The following CNIH3 variants were observed in gnomAD, a reference collection of about 807,000 sequenced individuals.
CNIH3 encodes the protein protein cornichon homolog 3.
In CNIH3, 14 loss-of-function variants were observed where a neutral mutation model predicts 24.1. The ratio of observed to expected loss-of-function variants is 0.58; its 90% CI spans 0.38 to 0.91. CNIH3 has a LOEUF of 0.91. CNIH3 is among the 40% of genes least tolerant of loss of function. The pLI, the probability that CNIH3 is intolerant of heterozygous loss-of-function variation, is 0.00. For missense variants in CNIH3, 178 were observed against 196.8 expected, an observed-to-expected ratio of 0.90 and a Z score of 0.57; for synonymous variants, 68 against 73.8, an observed-to-expected ratio of 0.92 and a Z score of 0.40.
intron 1 of CNIH3, among the ~76,000 whole-genome samples, chr1:224,443,998 T>G (rs1675039520): frequency 6.6e-6 from 1 of 152,200 alleles, no homozygotes; most frequent in Non-Finnish European, 1.5e-5. Context: ...AGTTTTATTA[T>G]GCAGTATTTT....
At chr1:224,739,295 CTTTTTTTTTTTT>C (rs11342205) in intron 5 of CNIH3, 22 bp from the exon 6 acceptor site, 58 of 1,342,492 alleles carry the variant, frequency 4.3e-5, no homozygotes, top group South Asian at 6.7e-5. Flanking sequence ...ACCTTCCTCT[CTTTTTTTTTTTT>C]TTTTTTTTTT....
upstream of CNIH3, among the ~76,000 whole-genome samples, chr1:224,614,148 G>A (rs998572371): frequency 2.6e-5 from 4 of 152,080 alleles, no homozygotes; most frequent in African/African-American, 9.7e-5. Flanking sequence ...CCCAAGTACT[G>A]GGATTACAGG....
chr1:224,493,015 T>C (rs1294974875), intron 1 of CNIH3, among the ~76,000 whole-genome samples: 4 of 152,228 alleles, frequency 2.6e-5, no homozygotes, highest in African/African-American at 9.6e-5. Flanking sequence ...GGAATCCATT[T>C]ATAAGGATTG....
intron 1 of CNIH3, among the ~76,000 whole-genome samples, chr1:224,623,122 GC>G (rs941809445): frequency 2.6e-5 from 4 of 152,074 alleles, no homozygotes; most frequent in Non-Finnish European, 5.9e-5. Flanking sequence ...TGGTCCCTGA[GC>G]CCCCTGACCT....
chr1:224,727,801 G>A (rs1689113693), intron 3 of CNIH3, among the ~76,000 whole-genome samples: 1 of 152,124 alleles, frequency 6.6e-6, no homozygotes, highest in Non-Finnish European at 1.5e-5. Context: ...AATTGGAGGA[G>A]CCTCTTCTAC....
chr1:224,735,501 C>T lies in CNIH3; in HGVS notation c.455+795C>T, dbSNP rs528698344. The stretch of plus-strand genomic sequence containing the variant: ...GGCAGGGCCATGGTGATCTCCAAAC[C>T]TCCCGGTGATGTCTCCAAAAGGGCA... On this transcript the variant is annotated intron_variant, in intron 5 of 5. Transcript: ENST00000272133. Among the ~76,000 whole-genome samples the T allele has an allele frequency of 5.7e-4, 87 of 152,278 alleles. 1 individual carries two copies. Among genetic ancestry groups the T allele is most frequent in the Admixed American group, 5.6e-3 (86 of 15,284 alleles).
intron 1 of CNIH3, among the ~76,000 whole-genome samples, chr1:224,442,761 G>A (rs547635123): frequency 5.6e-4 from 85 of 152,302 alleles, no homozygotes; most frequent in African/African-American, 1.9e-3. Context: ...TAGCTGGTGC[G>A]TGGCTCCAGA....
intron 2 of CNIH3, among the ~76,000 whole-genome samples, chr1:224,683,789 A>G (rs1686514852): frequency 6.6e-6 from 1 of 152,198 alleles, no homozygotes; most frequent in South Asian, 2.1e-4. Flanking sequence ...AGAAGGAGCT[A>G]GTGCGTGTCT....
intron 1 of CNIH3, among the ~76,000 whole-genome samples, chr1:224,632,144 A>G (rs975556802): frequency 6.6e-6 from 1 of 152,178 alleles, no homozygotes; most frequent in African/African-American, 2.4e-5. Flanking sequence ...TGCGTTGTCC[A>G]TAAGTCTGAG....
At chr1:224,580,522 G>T (rs562875727) in intron 4 of CNIH3, among the ~76,000 whole-genome samples, 1 of 152,168 alleles carries the variant, frequency 6.6e-6, no homozygotes, top group African/African-American at 2.4e-5. Context: ...AAAGGAGGTC[G>T]CATTCTTCTG....
intron 1 of CNIH3, among the ~76,000 whole-genome samples, chr1:224,498,694 G>C (rs534778010): frequency 2.6e-5 from 4 of 152,270 alleles, no homozygotes; most frequent in Non-Finnish European, 5.9e-5. Context: ...GTGTGCCTGT[G>C]GGAAAGAATG....
At chr1:224,456,706 C>T (rs1357948239) in intron 1 of CNIH3, among the ~76,000 whole-genome samples, 2 of 152,208 alleles carry the variant, frequency 1.3e-5, no homozygotes, top group South Asian at 2.1e-4. Flanking sequence ...CCACTGTGCC[C>T]GGCCAAAGAT....
rs1483344849 is a variant in CNIH3 at position 224,681,026 on chromosome 1, G to A, written c.150G>A (p.Ala50=). 5 of 1,613,790 alleles carry A rather than the reference G, an allele frequency of 3.1e-6. No homozygotes were observed. Among genetic ancestry groups the A allele is most frequent in the South Asian group, 2.2e-5 (2 of 91,074 alleles). ...SPIDQCNPVH[A]RERLRNIERI... ...TAGACCAGTGCAATCCTGTTCATGCGGTAAGTGGCGGGTACTGGTGAGGGG... is the reference window on the plus strand; with the variant it reads ...TAGACCAGTGCAATCCTGTTCATGCAGTAAGTGGCGGGTACTGGTGAGGGG... The change falls in exon 2 of 6, where the codon GCG becomes GCA. Residue 50 remains alanine, a splice_region_variant and synonymous_variant. Coordinates refer to ENST00000272133, the MANE Select transcript of CNIH3 (RefSeq NM_152495.2).
intron 1 of CNIH3, chr1:224,661,766 C>T: frequency 4.5e-6 from 1 of 221,006 alleles, no homozygotes; most frequent in Non-Finnish European, 9.2e-6. Context: ...TTTCTCTCTG[C>T]TGCTTTATTC....
rs186966137 is a variant in CNIH3 at position 224,573,698 on chromosome 1, T to A, written n.516+7434T>A. 1.3e-3 allele frequency among the ~76,000 whole-genome samples: 194 copies of A among 152,298 alleles called. 1 individual carries two copies. Among genetic ancestry groups the A allele is most frequent in the African/African-American group, 4.6e-3 (192 of 41,550 alleles). On this transcript the variant is annotated intron_variant and non_coding_transcript_variant, in intron 4 of 5. Coordinates refer to the CNIH3 transcript ENST00000471578. ...GAACTCAAGCATGAGAAACTAATTC[T>A]TGGGGAGCTTTTTTCCATGTTTGTC...
rs917034460 is a variant in CNIH3 at position 224,703,359 on chromosome 1, G to A, written c.198+18516G>A. 1.3e-5 allele frequency among the ~76,000 whole-genome samples: 2 copies of A among 152,006 alleles called. No individual in the cohort carries two copies. Among genetic ancestry groups the A allele is most frequent in the African/African-American group, 2.4e-5 (1 of 41,346 alleles). ...TTAGCAGAGGGGCTCAAACTTTGCC[G>A]CACATTAGAATCACCTGGGGGAAAT... On this transcript the variant is annotated intron_variant, in intron 3 of 5. Coordinates refer to ENST00000272133, the MANE Select transcript of CNIH3 (RefSeq NM_152495.2). The surrounding 1 kb of genome is among the most constrained non-coding windows in gnomAD (Gnocchi z 4.2).
chr1:224,625,153 C>T (rs939942290), intron 1 of CNIH3, among the ~76,000 whole-genome samples: 2 of 152,190 alleles, frequency 1.3e-5, no homozygotes, highest in Admixed American at 1.3e-4. Context: ...AAATAAGGAT[C>T]TGGATAATTT....
chr1:224,714,650 T>C (rs1257722116), intron 3 of CNIH3, among the ~76,000 whole-genome samples: 3 of 152,222 alleles, frequency 2.0e-5, no homozygotes, highest in Non-Finnish European at 4.4e-5. Context: ...CCCTGAATAA[T>C]GTCTGTTGAG....
At chr1:224,563,017 C>T (rs565057290) in intron 3 of CNIH3, among the ~76,000 whole-genome samples, 1 of 152,306 alleles carries the variant, frequency 6.6e-6, no homozygotes, top group Non-Finnish European at 1.5e-5. Flanking sequence ...CTCAATATTG[C>T]TCATCCTGTG....
Sources: allele counts gnomAD v4.1 joint callset (sites outside exome capture counted in the v4.1 genomes callset), GRCh38; gene constraint gnomAD v4.1.1; non-coding constraint Gnocchi (gnomAD v3.1); transcripts MANE v1.5; gene names NCBI Gene and HGNC (gene_info 2026-07-23, HGNC 2026-07-21).